SORCS2: variants seen among roughly 807,000 people sequenced by gnomAD.
SORCS2 encodes sortilin related VPS10 domain containing receptor 2.
SORCS2 carries 100 observed loss-of-function variants against 141.6 expected under a neutral mutation model. The ratio of observed to expected loss-of-function variants is 0.71; its 90% confidence interval spans 0.60 to 0.83. SORCS2 has a LOEUF of 0.83. SORCS2 is among the 40% of genes least tolerant of loss of function. The pLI, the probability that SORCS2 is intolerant of heterozygous loss-of-function variation, is 0.00. For missense variants in SORCS2, 1,646 were observed against 1,560.2 expected, an observed-to-expected ratio of 1.05 and a Z score of -0.93; for synonymous variants, 789 against 676.9, an observed-to-expected ratio of 1.17 and a Z score of -2.57.
At chr4:7,486,769 C>T (rs1731015262) in intron 2 of SORCS2, among the ~76,000 whole-genome samples, 1 of 152,198 alleles carries the variant, frequency 6.6e-6, no homozygotes, top group Non-Finnish European at 1.5e-5. Flanking sequence ...TCTACAGCTG[C>T]CCTCCCATGG....
intron 1 of SORCS2, among the ~76,000 whole-genome samples, chr4:7,277,168 C>T (rs1715556702): frequency 6.6e-6 from 1 of 152,076 alleles, no homozygotes; most frequent in Non-Finnish European, 1.5e-5. Context: ...TTTTTGCTTC[C>T]AAAAGCTCAG....
chr4:7,316,161 C>T (rs372074626), intron 1 of SORCS2, among the ~76,000 whole-genome samples: 1 of 151,840 alleles, frequency 6.6e-6, no homozygotes, highest in Non-Finnish European at 1.5e-5. Flanking sequence ...ATCCATCCAT[C>T]TATCCCTCCT....
chr4:7,694,054 C>T (rs982261012), intron 11 of SORCS2, among the ~76,000 whole-genome samples: 11 of 152,358 alleles, frequency 7.2e-5, no homozygotes, highest in African/African-American at 2.2e-4. Context: ...GAGCCATTGG[C>T]GTCTGCCCCG....
At chr4:7,293,494 G>C (rs977126337) in intron 1 of SORCS2, among the ~76,000 whole-genome samples, 3 of 152,156 alleles carry the variant, frequency 2.0e-5, no homozygotes, top group Non-Finnish European at 4.4e-5. Context: ...TCCCTCTGCT[G>C]TTGGTTATTT....
intron 3 of SORCS2, among the ~76,000 whole-genome samples, chr4:7,535,184 A>C (rs1039820841): frequency 7.9e-5 from 12 of 152,084 alleles, no homozygotes; most frequent in African/African-American, 2.9e-4. Flanking sequence ...GACAAAACTG[A>C]TCTCTCTCCG....
intron 1 of SORCS2, among the ~76,000 whole-genome samples, chr4:7,295,860 T>A (rs1357850389): frequency 6.6e-6 from 1 of 152,214 alleles, no homozygotes; most frequent in Non-Finnish European, 1.5e-5. Flanking sequence ...TGGAGCAGCA[T>A]GCCCAGCACA....
intron 2 of SORCS2, among the ~76,000 whole-genome samples, chr4:7,479,410 C>G (rs1331592248): frequency 6.6e-6 from 1 of 152,216 alleles, no homozygotes; most frequent in Non-Finnish European, 1.5e-5. Flanking sequence ...ATAAACAAAC[C>G]TGCTCCAATT....
intron 5 of SORCS2, among the ~76,000 whole-genome samples, chr4:7,656,545 C>T (rs1036749188): frequency 3.3e-5 from 5 of 152,228 alleles, no homozygotes; most frequent in Admixed American, 2.0e-4. Flanking sequence ...TGGATAGGCT[C>T]GGGCCCACAT....
At chr4:7,546,357 G>A (rs1207739042) in intron 3 of SORCS2, among the ~76,000 whole-genome samples, 2 of 152,162 alleles carry the variant, frequency 1.3e-5, no homozygotes, top group African/African-American at 4.8e-5. Context: ...TAGTGGCAAA[G>A]CTCAGCCTGC....
At chr4:7,219,904 C>T (rs1425256863) in intron 1 of SORCS2, among the ~76,000 whole-genome samples, 1 of 152,222 alleles carries the variant, frequency 6.6e-6, no homozygotes, top group South Asian at 2.1e-4. Flanking sequence ...CACTTGCACC[C>T]CTGTCTTCTG....
chr4:7,198,322 G>A (rs964322246), intron 1 of SORCS2, among the ~76,000 whole-genome samples: 1 of 152,204 alleles, frequency 6.6e-6, no homozygotes, highest in Admixed American at 6.5e-5. Context: ...TCAAATCCAC[G>A]ACAAAGCTGA....
chr4:7,387,496 C>T (rs1296918394), intron 1 of SORCS2, among the ~76,000 whole-genome samples: 2 of 151,170 alleles, frequency 1.3e-5, no homozygotes, highest in Non-Finnish European at 2.9e-5. Context: ...CATACACATG[C>T]ACACAAATAC....
chr4:7,626,198 G>A (rs1230274527), intron 3 of SORCS2, among the ~76,000 whole-genome samples: 9 of 151,990 alleles, frequency 5.9e-5, no homozygotes, highest in Non-Finnish European at 7.4e-5. Context: ...ATGAAATACC[G>A]ACCATTCATA....
At chr4:7,345,587 CCA>C (rs1247358212) in intron 1 of SORCS2, among the ~76,000 whole-genome samples, 4 of 150,182 alleles carry the variant, frequency 2.7e-5, no homozygotes, top group African/African-American at 1.0e-4. Context: ...TAGGACCTCT[CCA>C]TAGACAAGTC....
At chr4:7,372,463 C>G (rs1467253494) in intron 1 of SORCS2, among the ~76,000 whole-genome samples, 1 of 151,990 alleles carries the variant, frequency 6.6e-6, no homozygotes, top group Non-Finnish European at 1.5e-5. Flanking sequence ...CCTGCTACCA[C>G]GCCTGGCTAA....
chr4:7,453,363 G>T lies in SORCS2; in HGVS notation c.548+57008G>T, dbSNP rs1265133925. 4.2e-4 allele frequency among the ~76,000 whole-genome samples: 57 copies of T among 136,124 alleles called. 1 individual carries two copies. In the Admixed American group the frequency reaches 4.2e-3, roughly 10 times the overall value. 89.3% of individuals were successfully genotyped at this position (136,124 alleles called of 152,430 possible). On this transcript the variant is annotated intron_variant, in intron 2 of 26. Transcript: ENST00000507866. The stretch of plus-strand genomic sequence containing the variant: ...GTCAGGCACTGTGCTGGGGTCAGGA[G>T]CTGTGTGTTGGGGTCAGGCACTGTG...
intron 3 of SORCS2, among the ~76,000 whole-genome samples, chr4:7,576,172 C>T (rs981611073): frequency 6.6e-6 from 1 of 152,200 alleles, no homozygotes; most frequent in Non-Finnish European, 1.5e-5. Flanking sequence ...CTAACATTCT[C>T]CTTCTGACCA....
rs185261622 is a variant in SORCS2 at position 7,734,721 on chromosome 4, G to C, written c.3311+347G>C. Among the ~76,000 whole-genome samples, 528 of 152,326 alleles carry C rather than the reference G, an allele frequency of 3.5e-3. 5 individuals carry two copies. The highest frequency in any genetic ancestry group is 5.0e-3 in the Non-Finnish European group (341 of 68,030). ...AGGAAACCAGGCTCAGAGAGGTTAA[G>C]CAGTGTGCCCAAGGTAACACAGACG... is the stretch of plus-strand genomic sequence containing the variant. On this transcript the variant is annotated intron_variant, in intron 25 of 26. Transcript: ENST00000507866.
At chr4:7,285,167 G>A (rs2108866597) in intron 1 of SORCS2, among the ~76,000 whole-genome samples, 1 of 152,118 alleles carries the variant, frequency 6.6e-6, no homozygotes, top group East Asian at 1.9e-4. Context: ...CGAGGAGCTG[G>A]AATTACAGGT....
Sources: gnomAD v4.1 joint callset for allele counts (sites outside exome capture counted in the v4.1 genomes callset) on GRCh38, gnomAD v4.1.1 for gene constraint, MANE v1.5 for transcripts, NCBI Gene and HGNC (gene_info 2026-07-23, HGNC 2026-07-21) for gene names.